ATRX: variants seen among roughly 807,000 people sequenced by gnomAD.
ATRX encodes the protein ATRX chromatin remodeler.
ATRX carries 12 observed loss-of-function variants against 172.6 expected under a neutral mutation model. The ratio of observed to expected loss-of-function variants is 0.07; its 90% CI spans 0.04 to 0.11. ATRX has a LOEUF of 0.11. ATRX is among the 10% of genes least tolerant of loss of function. The pLI, the probability that ATRX is intolerant of heterozygous loss-of-function variation, is 1.00. For missense variants in ATRX, 1,368 were observed against 1,767.4 expected (o/e 0.77, Z 4.05); for synonymous variants, 674 against 594.7 (o/e 1.13, Z -1.94).
chrX:77,618,636 G>C (rs782406652), intron 21 of ATRX, among the ~76,000 whole-genome samples, 170 bp downstream of exon 21: 7 of 111,828 alleles, frequency 6.3e-5, no homozygotes, highest in African/African-American at 1.3e-4. Flanking sequence ...TTTAAAAGTT[G>C]AATGCAGCAG....
intron 1 of ATRX, among the ~76,000 whole-genome samples, chrX:77,722,793 A>C (rs966143206): frequency 2.3e-4 from 26 of 111,784 alleles, no homozygotes; most frequent in African/African-American, 7.8e-4. Flanking sequence ...CGATTCCTCA[A>C]GGATCTAGAA....
At chrX:77,667,947 CCTCT>C (rs782066141) in intron 10 of ATRX, among the ~76,000 whole-genome samples, 34 of 111,046 alleles carry the variant, frequency 3.1e-4, no homozygotes, top group Non-Finnish European at 5.7e-4. Flanking sequence ...TTATTTTTGC[CCTCT>C]AACACCTTTT....
In ATRX at chrX:77,608,408, G is replaced by C. The variant is rs782128041; in HGVS notation, c.5567-7844C>G. 4.8e-5 allele frequency among the ~76,000 whole-genome samples: 5 copies of C among 105,240 alleles called. No homozygotes were observed. The East Asian group carries it at 1.5e-3, about 31-fold the overall frequency. 91.4% of individuals were successfully genotyped at this position (105,240 alleles called of 115,157 possible). A position where few individuals can be genotyped will look rare whatever the true frequency, so the allele number is the denominator to read the frequency against. ...AAAAGACACATAGGCCAATGAAACA[G>C]AATAATTAACCCAGAAACAAGTTCA... On this transcript the variant is annotated intron_variant, in intron 22 of 34. Coordinates refer to ENST00000373344, the MANE Select transcript of ATRX (RefSeq NM_000489.6).
At chrX:77,758,387 T>A (rs1215510734) in intron 1 of ATRX, among the ~76,000 whole-genome samples, 1 of 102,546 alleles carries the variant, frequency 9.8e-6, no homozygotes, top group Non-Finnish European at 2.0e-5. Flanking sequence ...CGAAACTCCA[T>A]CTCAAGAAAA....
At chrX:77,591,815 A>T (rs2066267582) in intron 26 of ATRX, among the ~76,000 whole-genome samples, 1 of 112,222 alleles carries the variant, frequency 8.9e-6, no homozygotes, top group Admixed American at 9.5e-5. Flanking sequence ...TGAAAAAATT[A>T]AAGTCTTAGA....
chrX:77,777,054 T>C (rs934519618), intron 1 of ATRX, among the ~76,000 whole-genome samples: 31 of 109,612 alleles, frequency 2.8e-4, no homozygotes, highest in South Asian at 3.9e-4. Flanking sequence ...TAAATGGACA[T>C]AGGTGTATTC....
At chrX:77,660,700 ATG>A (rs1557122186) in intron 12 of ATRX, among the ~76,000 whole-genome samples, 1 of 111,525 alleles carries the variant, frequency 9.0e-6, no homozygotes, top group Non-Finnish European at 1.9e-5. Context: ...TTAATTGTAT[ATG>A]TGTGTGGCAA....
intron 30 of ATRX, among the ~76,000 whole-genome samples, chrX:77,552,976 T>G (rs1389494705): frequency 9.0e-6 from 1 of 111,685 alleles, no homozygotes; most frequent in Admixed American, 9.5e-5. Flanking sequence ...TGAAAATGTA[T>G]CATTTTTAGC....
intron 30 of ATRX, among the ~76,000 whole-genome samples, chrX:77,526,766 C>T (rs782588464): frequency 8.9e-6 from 1 of 112,341 alleles, no homozygotes; most frequent in Admixed American, 9.4e-5. Context: ...CCATTTTCAT[C>T]TTCAGGAGAC....
intron 2 of ATRX, among the ~76,000 whole-genome samples, chrX:77,705,728 T>C (rs1245220324): frequency 2.7e-5 from 3 of 111,755 alleles, no homozygotes; most frequent in Non-Finnish European, 5.6e-5. Context: ...AAACAAAGAG[T>C]TAAAATTCAT....
chrX:77,507,263 A>C lies in ATRX; in HGVS notation c.*1088T>G, dbSNP rs1345285214. 2 of 171,570 alleles carry C rather than the reference A, an allele frequency of 1.2e-5. No homozygotes were observed. Among genetic ancestry groups the C allele is most frequent in the Admixed American group, 1.6e-4 (2 of 12,470 alleles). 14.1% of individuals were successfully genotyped at this position (171,570 alleles called of 1,213,427 possible). A position where few individuals can be genotyped will look rare whatever the true frequency, so the allele number is the denominator to read the frequency against. On this transcript the variant is annotated 3_prime_UTR_variant, in exon 35 of 35. Coordinates refer to ENST00000373344, the MANE Select transcript of ATRX (RefSeq NM_000489.6). ...AAAGAACATGATGATGAGAGAAAAG[A>C]AGCGCATAGAAGCCAGTGATTCTTA...
chrX:77,632,096 T>C (rs1255957217), intron 19 of ATRX, among the ~76,000 whole-genome samples: 1 of 111,277 alleles, frequency 9.0e-6, no homozygotes. Flanking sequence ...GCTCCCAGGT[T>C]TGAGCGATTC....
chrX:77,539,263 G>A (rs185854838), intron 30 of ATRX, among the ~76,000 whole-genome samples: 6 of 111,156 alleles, frequency 5.4e-5, no homozygotes, highest in Admixed American at 3.8e-4. Context: ...CAGAGCTATT[G>A]TAAGGAGTAA....
intron 19 of ATRX, among the ~76,000 whole-genome samples, chrX:77,625,463 C>T (rs5912642): frequency 0.037 from 4,108 of 112,473 alleles, 109 homozygotes; most frequent in African/African-American, 0.1. Flanking sequence ...AGACAACCCA[C>T]GGAGTGGGAG....
At chrX:77,733,706 TAAAA>T (rs1244088795) in intron 1 of ATRX, among the ~76,000 whole-genome samples, 2 of 33,039 alleles carry the variant, frequency 6.1e-5, no homozygotes, top group African/African-American at 1.2e-4. Context: ...CCATCTATGC[TAAAA>T]AAAAAAAAAA....
At chrX:77,663,823 C>T (rs981363351) in intron 11 of ATRX, among the ~76,000 whole-genome samples, 1 of 111,392 alleles carries the variant, frequency 9.0e-6, no homozygotes, top group Non-Finnish European at 1.9e-5. Flanking sequence ...TGTTTAGGGC[C>T]GGGTGCAGTG....
chrX:77,576,360 A>G (rs979812315), intron 27 of ATRX, among the ~76,000 whole-genome samples: 2 of 111,215 alleles, frequency 1.8e-5, no homozygotes, highest in Admixed American at 1.9e-4. Flanking sequence ...GAAAAAAAAT[A>G]TATTTAAGCT....
At position 77,683,788 on chromosome X, in the gene ATRX, C is replaced by T. The variant is rs1378005125; in HGVS notation, c.1468G>A (p.Gly490Ser). The change falls in exon 9 of 35, where the codon GGT becomes AGT. Residue 490 changes from glycine to serine, a missense_variant. Gly to Ser is a moderately conservative substitution (Grantham distance 56). Around this residue, in one of 17 missense-constraint regions of ATRX, gnomAD observed 843 missense variants for 643.1 expected, o/e 1.31. Transcript: ENST00000373344. ...TEEQRTNKST[G>S]GEHKKSDRKE... is the part of the protein sequence containing the mutation. ...CTATCAGATTTCTTATGTTCACCACCGGTACTTTTATTTGTTCTTTGTTCC... is the reference window on the plus strand; with the variant it reads ...CTATCAGATTTCTTATGTTCACCACTGGTACTTTTATTTGTTCTTTGTTCC... The T allele has an allele frequency of 1.2e-5, 15 of 1,207,961 alleles. No individual in the cohort carries two copies. Among genetic ancestry groups the T allele is most frequent in the East Asian group, 3.0e-5 (1 of 33,775 alleles).
chrX:77,715,154 C>G (rs1266753057), intron 2 of ATRX, among the ~76,000 whole-genome samples: 1 of 111,674 alleles, frequency 9.0e-6, no homozygotes, highest in African/African-American at 3.3e-5. Flanking sequence ...ATATACAGTT[C>G]TATGCTGGCA....
Sources: gnomAD v4.1 joint callset for allele counts (sites outside exome capture counted in the v4.1 genomes callset) on GRCh38, gnomAD v4.1.1 for gene constraint, gnomAD v4.1.1 regional missense constraint, MANE v1.5 for transcripts, NCBI Gene and HGNC (gene_info 2026-07-23, HGNC 2026-07-21) for gene names.